IQSEC1: variants seen among roughly 807,000 people sequenced by gnomAD.
IQSEC1 encodes the protein IQ motif and SEC7 domain-containing protein 1.
In IQSEC1, 31 loss-of-function variants were observed where a neutral mutation model predicts 91.0. The observed-to-expected ratio is 0.34, with a 90% confidence interval of 0.26 to 0.46. IQSEC1 has a LOEUF of 0.46. Ranked by LOEUF, IQSEC1 falls within the 20% of genes least tolerant of loss-of-function variation. The pLI is 1.00. For missense variants in IQSEC1, 1,388 were observed against 1,575.6 expected (o/e 0.88, Z 2.02); for synonymous variants, 699 against 662.6 (o/e 1.05, Z -0.84).
chr3:13,170,746 T>C (rs1158828042), intron 1 of IQSEC1, among the ~76,000 whole-genome samples: 1 of 152,328 alleles, frequency 6.6e-6, no homozygotes. Context: ...TATTAGGCAA[T>C]GCAATGGGTG....
intron 1 of IQSEC1, among the ~76,000 whole-genome samples, chr3:13,056,253 G>A (rs1055204106): frequency 6.6e-6 from 1 of 152,134 alleles, no homozygotes; most frequent in Admixed American, 6.5e-5. Flanking sequence ...TCCAGTACAG[G>A]CTTGGGGGAG....
rs145237033 is a variant in IQSEC1 at position 12,912,202 on chromosome 3, G to A, written c.2317-474C>T. On this transcript the variant is annotated intron_variant, in intron 9 of 13. Transcript: ENST00000613206. ...GTGATCCCTGAATCCCAGCTGGCCC[G>A]CCACGGTCCTTGGCTGCTATTCTGG... is the stretch of plus-strand genomic sequence containing the variant. Among the ~76,000 whole-genome samples, 647 of 152,328 alleles carry A rather than the reference G, an allele frequency of 4.2e-3. 12 individuals carry two copies. Among genetic ancestry groups the A allele is most frequent in the African/African-American group, 0.015 (603 of 41,572 alleles).
At chr3:13,087,530 C>T (rs1276892402) in intron 2 of IQSEC1, among the ~76,000 whole-genome samples, 2 of 152,154 alleles carry the variant, frequency 1.3e-5, no homozygotes, top group Non-Finnish European at 2.9e-5. Context: ...CCTTGACAGC[C>T]GTGATGACTT....
intron 1 of IQSEC1, among the ~76,000 whole-genome samples, chr3:13,037,082 C>A (rs1214830252): frequency 6.6e-6 from 1 of 152,222 alleles, no homozygotes; most frequent in African/African-American, 2.4e-5. Context: ...TGTGCCCCCA[C>A]ACCATTTACA....
chr3:13,175,990 T>A (rs1693721038), intron 1 of IQSEC1, among the ~76,000 whole-genome samples: 1 of 152,238 alleles, frequency 6.6e-6, no homozygotes, highest in Admixed American at 6.5e-5. Flanking sequence ...ACACTTCTGA[T>A]GAGCAGAAGG....
chr3:12,911,543 C>T, intron 10 of IQSEC1, 86 bp downstream of exon 10: 1 of 998,920 alleles, frequency 1.0e-6, no homozygotes, highest in Admixed American at 1.7e-5. Context: ...TCGAAGCCCC[C>T]CGCGGTTCTG....
Position 12,940,477 on chromosome 3 carries a change from G to A in IQSEC1, c.318+1094C>T, listed in dbSNP as rs1249899767. On this transcript the variant is annotated intron_variant, in intron 2 of 13. Coordinates refer to ENST00000613206, the MANE Select transcript of IQSEC1 (RefSeq NM_001134382.3). The surrounding 1 kb of genome is among the most constrained non-coding windows in gnomAD (Gnocchi z 4.4). ...ATCTGGGAGCAAGCAGAGGGCGGGC[G>A]GGGCCACAGGATGGGTGTGGGTGGG... 6.6e-6 allele frequency among the ~76,000 whole-genome samples: 1 copy of A among 151,914 alleles called. No individual in the cohort carries two copies. The highest frequency in any genetic ancestry group is 2.4e-5 in the African/African-American group (1 of 41,356).
chr3:13,167,324 G>A (rs1693516075), intron 1 of IQSEC1, among the ~76,000 whole-genome samples: 1 of 152,090 alleles, frequency 6.6e-6, no homozygotes, highest in Admixed American at 6.6e-5. Flanking sequence ...AAAGAGAAGG[G>A]GGCTAACAAT....
intron 1 of IQSEC1, among the ~76,000 whole-genome samples, chr3:13,038,339 T>C (rs1704123415): frequency 6.8e-6 from 1 of 147,038 alleles, no homozygotes; most frequent in Non-Finnish European, 1.5e-5. Context: ...TCCAGCCATT[T>C]GCAACCACAT....
Position 12,909,311 on chromosome 3 carries a change from A to G in IQSEC1, c.2540T>C (p.Ile847Thr), listed in dbSNP as rs1281037330. The change falls in exon 11 of 14, where the codon ATT becomes ACT. Residue 847 changes from isoleucine (I) to threonine (T), a missense_variant. This residue lies in a region of IQSEC1 where 1,059 missense variants were observed against 1,317.8 expected (regional missense o/e 0.80). Transcript: ENST00000613206. The surrounding 1 kb of genome is among the most constrained non-coding windows in gnomAD (Gnocchi z 4.9). ...KKFTDDLRES[I>T]AEVQEMEKHR... ...CTTCTCCATCTCTTGGACTTCCGCA[A>G]TGGACTCCCGCAGGTCATCGGTGAA... 1 of 1,614,184 alleles carries G rather than the reference A, an allele frequency of 6.2e-7. No homozygotes were observed. The highest frequency in any genetic ancestry group is 1.1e-5 in the South Asian group (1 of 91,082).
rs1328230258 is a variant in IQSEC1, at chr3:12,898,326, CTT to C, written c.*2655_*2656del. On this transcript the variant is annotated 3_prime_UTR_variant, in exon 14 of 14. Transcript: ENST00000613206. ...AACCCAACAATGTATCTTCCACAAACTTTTGATAAGCTTGCAAATAAAACAGA... is the reference window on the plus strand; with the variant it reads ...AACCCAACAATGTATCTTCCACAAACTTGATAAGCTTGCAAATAAAACAGA... 3 of 152,404 alleles carry C rather than the reference CTT, an allele frequency of 2.0e-5. No individual in the cohort carries two copies. The highest frequency in any genetic ancestry group is 3.4e-3 in the Middle Eastern group (1 of 296). The allele number at this position is 152,404 out of a possible 1,614,324, so 9.4% of individuals were successfully genotyped here.
intron 1 of IQSEC1, among the ~76,000 whole-genome samples, chr3:13,210,371 A>C (rs1362269915): frequency 1.3e-5 from 2 of 151,902 alleles, no homozygotes; most frequent in Non-Finnish European, 2.9e-5. Context: ...ATTGCAGGAG[A>C]ATGTTTCACG....
intron 1 of IQSEC1, among the ~76,000 whole-genome samples, chr3:13,203,525 T>C (rs1455435388): frequency 6.6e-6 from 1 of 152,108 alleles, no homozygotes; most frequent in African/African-American, 2.4e-5. Flanking sequence ...CCCAGGCCCG[T>C]GGCAGGAACA....
rs532974195 is a variant in IQSEC1 at position 12,990,815 on chromosome 3, C to A, written c.24-48950G>T. ...TGTTTTAATATTATGCTTCGAGAACCATCATACAAGGGAATGATAGGTTTG... is the reference window on the plus strand; with the variant it reads ...TGTTTTAATATTATGCTTCGAGAACAATCATACAAGGGAATGATAGGTTTG... On this transcript the variant is annotated intron_variant, in intron 1 of 13. Coordinates refer to ENST00000613206, the MANE Select transcript of IQSEC1 (RefSeq NM_001134382.3). Among the ~76,000 whole-genome samples, 3 of 152,306 alleles carry A rather than the reference C, an allele frequency of 2.0e-5. No individual in the cohort carries two copies. The South Asian group carries it at 6.2e-4, about 32-fold the overall frequency.
At chr3:13,179,486 C>G (rs1693795755) in intron 1 of IQSEC1, among the ~76,000 whole-genome samples, 1 of 152,272 alleles carries the variant, frequency 6.6e-6, no homozygotes, top group African/African-American at 2.4e-5. Flanking sequence ...TATCATCACC[C>G]ATAGACATCA....
chr3:13,121,294 G>A (rs1008355074), intron 2 of IQSEC1, among the ~76,000 whole-genome samples: 10 of 152,266 alleles, frequency 6.6e-5, no homozygotes, highest in Admixed American at 2.0e-4. Context: ...AGTTTGTCAC[G>A]CCCTGTGTTA....
At chr3:13,098,755 G>A (rs1362095197) in intron 2 of IQSEC1, among the ~76,000 whole-genome samples, 2 of 152,114 alleles carry the variant, frequency 1.3e-5, no homozygotes, top group Non-Finnish European at 2.9e-5. Flanking sequence ...CAATTCACTA[G>A]AAAAAAGAAA....
upstream of IQSEC1, among the ~76,000 whole-genome samples, chr3:13,076,485 C>T (rs893264906): frequency 3.3e-5 from 5 of 152,182 alleles, no homozygotes; most frequent in Admixed American, 2.0e-4. Flanking sequence ...GGCCATCTGT[C>T]CCCAAGGTGG....
At chr3:13,069,949 C>T (rs1223293567) in intron 1 of IQSEC1, among the ~76,000 whole-genome samples, 1 of 152,230 alleles carries the variant, frequency 6.6e-6, no homozygotes, top group African/African-American at 2.4e-5. Flanking sequence ...TTGTTGTCAT[C>T]CTTTATCCCA....
Sources: gnomAD v4.1 joint callset for allele counts (sites outside exome capture counted in the v4.1 genomes callset) on GRCh38, gnomAD v4.1.1 for gene constraint, gnomAD v4.1.1 regional missense constraint, Gnocchi (gnomAD v3.1) non-coding constraint, MANE v1.5 for transcripts, NCBI Gene and HGNC (gene_info 2026-07-23, HGNC 2026-07-21) for gene names.